BNC2: variants seen among roughly 807,000 people sequenced by gnomAD.
The protein encoded by BNC2 is basonuclin zinc finger protein 2.
In BNC2, 20 loss-of-function variants were observed where a neutral mutation model predicts 76.3. The observed-to-expected ratio is 0.26, with a 90% CI of 0.18 to 0.38. The LOEUF (loss-of-function observed/expected upper bound fraction) is 0.38. Among genes scored for constraint, BNC2 ranks in the 10% least tolerant of loss-of-function variants. The pLI is 1.00. For missense variants in BNC2, 1,382 were observed against 1,399.8 expected, an observed-to-expected ratio of 0.99 and a Z score of 0.20; for synonymous variants, 582 against 514.8, an observed-to-expected ratio of 1.13 and a Z score of -1.77.
In BNC2 at chr9:16,703,536, C is replaced by T. The variant is rs184216980; in HGVS notation, c.330+24261G>A. ...ATGAATTCACCTAAAATTTGAAGTG[C>T]CCAGCCCATAAACACAGCTTGATTT... On this transcript the variant is annotated intron_variant, in intron 3 of 6. Coordinates refer to ENST00000380672, the MANE Select transcript of BNC2 (RefSeq NM_017637.6). 2.2e-3 allele frequency among the ~76,000 whole-genome samples: 339 copies of T among 152,086 alleles called. 2 individuals are homozygous for T. The highest frequency in any genetic ancestry group is 7.9e-3 in the African/African-American group (327 of 41,508).
intron 2 of BNC2, among the ~76,000 whole-genome samples, chr9:16,732,063 G>A (rs535950506): frequency 6.7e-6 from 1 of 149,672 alleles, no homozygotes; most frequent in East Asian, 2.0e-4. Flanking sequence ...TGTTAGCTCT[G>A]TAAGCAATAA....
In BNC2 at chr9:16,532,864, G is replaced by T. The variant is rs115139475; in HGVS notation, c.669+19666C>A. On this transcript the variant is annotated intron_variant, in intron 5 of 6. Transcript: ENST00000380672. The stretch of plus-strand genomic sequence containing the variant: ...CATGTTCAGTGACTCATGTTGACAG[G>T]CTGAAATCAGCCATCATGGGATATT... Among the ~76,000 whole-genome samples the T allele has an allele frequency of 1.8e-3, 281 of 152,268 alleles. 1 individual carries two copies. The highest frequency in any genetic ancestry group is 6.2e-3 in the African/African-American group (258 of 41,570).
intron 1 of BNC2, among the ~76,000 whole-genome samples, chr9:16,859,259 T>C (rs1290373700): frequency 6.6e-6 from 1 of 152,072 alleles, no homozygotes; most frequent in African/African-American, 2.4e-5. Flanking sequence ...GGCAGGAATG[T>C]AAACGATGCT....
intron 3 of BNC2, among the ~76,000 whole-genome samples, chr9:16,694,497 T>A (rs1018890427): frequency 1.3e-5 from 2 of 152,234 alleles, no homozygotes; most frequent in Non-Finnish European, 1.5e-5. Flanking sequence ...TGACATGAGT[T>A]AGACTTACTA....
At chr9:16,834,222 A>T (rs998016104) in intron 1 of BNC2, among the ~76,000 whole-genome samples, 2 of 152,078 alleles carry the variant, frequency 1.3e-5, no homozygotes, top group Admixed American at 1.3e-4. Flanking sequence ...TAAGCAAAAT[A>T]ATTCTGATAT....
chr9:16,503,639 A>G (rs1335606119), intron 5 of BNC2, among the ~76,000 whole-genome samples: 1 of 152,186 alleles, frequency 6.6e-6, no homozygotes, highest in African/African-American at 2.4e-5. Flanking sequence ...AATCTGATTA[A>G]TGATAATCTG....
At chr9:16,684,153 A>G (rs1676769045) in intron 3 of BNC2, among the ~76,000 whole-genome samples, 1 of 152,154 alleles carries the variant, frequency 6.6e-6, no homozygotes, top group Non-Finnish European at 1.5e-5. Flanking sequence ...CTGTAATTCA[A>G]GGTTTAAAAA....
chr9:16,437,561 C>T (rs779111248), intron 5 of BNC2, 37 bp from the exon 6 acceptor site: 6 of 1,601,882 alleles, frequency 3.7e-6, no homozygotes, highest in Non-Finnish European at 5.1e-6. Context: ...AAGACAAACA[C>T]AAAAACTTAT....
At chr9:16,503,142 A>T (rs951530314) in intron 5 of BNC2, among the ~76,000 whole-genome samples, 7 of 152,212 alleles carry the variant, frequency 4.6e-5, no homozygotes, top group African/African-American at 1.4e-4. Context: ...AAAGAATATA[A>T]GAGGAAAAAC....
At chr9:16,693,626 A>G (rs187478409) in intron 3 of BNC2, among the ~76,000 whole-genome samples, 2 of 152,338 alleles carry the variant, frequency 1.3e-5, no homozygotes, top group East Asian at 1.9e-4. Context: ...TCTACAGATC[A>G]TAACTTAGTT....
chr9:16,792,061 C>T (rs909735714), intron 1 of BNC2, among the ~76,000 whole-genome samples: 2 of 148,936 alleles, frequency 1.3e-5, no homozygotes, highest in African/African-American at 2.5e-5. Flanking sequence ...AAGATCATGC[C>T]ACTGTACTCC....
chr9:16,598,851 T>A (rs1287682954), intron 3 of BNC2, among the ~76,000 whole-genome samples: 4 of 152,160 alleles, frequency 2.6e-5, no homozygotes, highest in African/African-American at 4.8e-5. Flanking sequence ...ACCTGGAAAT[T>A]AAATGAGATG....
Position 16,436,103 on chromosome 9 carries a change from G to C in BNC2, c.2091C>G (p.Thr697=), listed in dbSNP as rs778852681. 1 of 1,614,084 alleles carries C rather than the reference G, an allele frequency of 6.2e-7. No homozygotes were observed. The highest frequency in any genetic ancestry group is 8.5e-7 in the Non-Finnish European group (1 of 1,180,026). Residue 697 remains threonine (T), a synonymous_variant, in exon 6 of 7, where the codon ACC becomes ACG. Coordinates refer to ENST00000380672, the MANE Select transcript of BNC2 (RefSeq NM_017637.6). The part of the protein sequence containing the change: ...SVKDFSKHNR[T]RCISRTEIRR... ...TTATTTCAGTCCTTGAAATGCACCG[G>C]GTCCTGTTATGCTTAGAAAAGTCCT...
chr9:16,744,615 G>T (rs7034961), intron 1 of BNC2, among the ~76,000 whole-genome samples: 130,859 of 152,160 alleles, frequency 0.86, 56,674 homozygotes, highest in Non-Finnish European at 0.91. Flanking sequence ...CCAGAGGAAG[G>T]GATCATCACT....
At chr9:16,542,906 T>C (rs1019428530) in intron 5 of BNC2, among the ~76,000 whole-genome samples, 6 of 152,212 alleles carry the variant, frequency 3.9e-5, no homozygotes, top group Admixed American at 1.3e-4. Flanking sequence ...ACACCAGCAC[T>C]TGAAGTAAGT....
At chr9:16,562,520 A>T (rs1819046412) in intron 4 of BNC2, among the ~76,000 whole-genome samples, 1 of 152,240 alleles carries the variant, frequency 6.6e-6, no homozygotes, top group African/African-American at 2.4e-5. Flanking sequence ...TACAGCCTAC[A>T]TAATCAAATA....
chr9:16,866,667 A>T (rs1413958054), intron 1 of BNC2, among the ~76,000 whole-genome samples: 1 of 137,062 alleles, frequency 7.3e-6, no homozygotes. Context: ...CACTTTTAAA[A>T]AAAAAAAAAA....
intron 5 of BNC2, among the ~76,000 whole-genome samples, chr9:16,531,051 G>A (rs1817958929): frequency 6.6e-6 from 1 of 152,172 alleles, no homozygotes; most frequent in Admixed American, 6.5e-5. Flanking sequence ...AGATAAACAA[G>A]GATGCCTAGC....
At chr9:16,621,054 G>C (rs1217369469) in intron 3 of BNC2, among the ~76,000 whole-genome samples, 2 of 152,202 alleles carry the variant, frequency 1.3e-5, no homozygotes, top group African/African-American at 2.4e-5. Context: ...ATCAAATTGA[G>C]CCTGGTGACA....
Sources: allele counts gnomAD v4.1 joint callset (sites outside exome capture counted in the v4.1 genomes callset), GRCh38; gene constraint gnomAD v4.1.1; transcripts MANE v1.5; gene names NCBI Gene and HGNC (gene_info 2026-07-23, HGNC 2026-07-21).